The following CDKAL1 variants were observed in gnomAD, a reference collection of about 807,000 sequenced individuals.
The protein encoded by CDKAL1 is threonylcarbamoyladenosine tRNA methylthiotransferase.
In CDKAL1, 32 loss-of-function variants were observed where a neutral mutation model predicts 68.2. That is an observed-to-expected ratio of 0.47 (90% CI 0.35 to 0.63). CDKAL1 has a LOEUF of 0.63. Among genes scored for constraint, CDKAL1 ranks in the 30% least tolerant of loss-of-function variants. The pLI is 0.00. For synonymous variants in CDKAL1, 234 were observed against 244.3 expected (o/e 0.96, Z 0.39); for missense variants, 606 against 696.7 (o/e 0.87, Z 1.47).
intron 5 of CDKAL1, among the ~76,000 whole-genome samples, chr6:20,667,553 C>T (rs943516148): frequency 3.9e-5 from 6 of 152,100 alleles, no homozygotes; most frequent in African/African-American, 9.7e-5. Flanking sequence ...AGGGCAGCTC[C>T]GACTTTATTA....
At chr6:20,579,716 C>T (rs9350261) in intron 4 of CDKAL1, among the ~76,000 whole-genome samples, 52,447 of 152,082 alleles carry the variant, frequency 0.34, 9,535 homozygotes, top group East Asian at 0.53. Flanking sequence ...ATCACTGCAC[C>T]GTGTGCCTCA....
chr6:21,123,845 ACTATCACAGT>A (rs1340907800), intron 13 of CDKAL1, among the ~76,000 whole-genome samples: 1 of 152,246 alleles, frequency 6.6e-6, no homozygotes, highest in East Asian at 1.9e-4. Flanking sequence ...CTTCTGAAAT[ACTATCACAGT>A]CTGCACTAGG....
chr6:21,013,097 A>C (rs1328221589), intron 11 of CDKAL1, among the ~76,000 whole-genome samples: 1 of 152,028 alleles, frequency 6.6e-6, no homozygotes, highest in African/African-American at 2.4e-5. Context: ...TCTTAATCCC[A>C]TCTCTGCCAA....
intron 4 of CDKAL1, among the ~76,000 whole-genome samples, chr6:20,618,441 G>A (rs573031491): frequency 6.6e-6 from 1 of 152,152 alleles, no homozygotes; most frequent in East Asian, 1.9e-4. Flanking sequence ...GTCAATTTTG[G>A]CTTTTGTTGC....
intron 12 of CDKAL1, among the ~76,000 whole-genome samples, chr6:21,096,915 A>G (rs1321686955): frequency 1.3e-5 from 2 of 152,250 alleles, no homozygotes; most frequent in Non-Finnish European, 2.9e-5. Flanking sequence ...CAGTGTGAGA[A>G]TAGTTATCTT....
At chr6:20,717,440 G>A (rs1400690647) in intron 5 of CDKAL1, among the ~76,000 whole-genome samples, 1 of 151,522 alleles carries the variant, frequency 6.6e-6, no homozygotes, top group East Asian at 2.0e-4. Context: ...GGCTTACTGG[G>A]GAGTGAGGAC....
intron 12 of CDKAL1, among the ~76,000 whole-genome samples, chr6:21,088,624 A>C (rs1472394484): frequency 6.6e-6 from 1 of 152,178 alleles, no homozygotes; most frequent in Non-Finnish European, 1.5e-5. Flanking sequence ...TGGAATTGAT[A>C]GTATTTTTCT....
chr6:21,199,517 C>T (rs1239394746), intron 14 of CDKAL1, among the ~76,000 whole-genome samples: 1 of 152,178 alleles, frequency 6.6e-6, no homozygotes, highest in Non-Finnish European at 1.5e-5. Flanking sequence ...CTTCTCTCTC[C>T]TTTCTCTTGC....
intron 10 of CDKAL1, among the ~76,000 whole-genome samples, chr6:20,958,781 C>T (rs945995167): frequency 2.0e-5 from 3 of 152,136 alleles, no homozygotes; most frequent in Non-Finnish European, 2.9e-5. Context: ...AGATGCTTCA[C>T]ACAACAGACT....
intron 4 of CDKAL1, among the ~76,000 whole-genome samples, chr6:20,578,535 A>T (rs1411710320): frequency 1.3e-5 from 2 of 152,368 alleles, no homozygotes; most frequent in East Asian, 3.9e-4. Flanking sequence ...AAATGTGTAT[A>T]CTAGCAATCA....
intron 15 of CDKAL1, among the ~76,000 whole-genome samples, chr6:21,230,625 G>A (rs536700971): frequency 1.3e-5 from 2 of 152,146 alleles, no homozygotes; most frequent in African/African-American, 2.4e-5. Flanking sequence ...TACAGTTTAT[G>A]TGTAGTCTGG....
At chr6:20,840,023 A>G (rs1236833929) in intron 8 of CDKAL1, among the ~76,000 whole-genome samples, 2 of 152,240 alleles carry the variant, frequency 1.3e-5, no homozygotes, top group South Asian at 2.1e-4. Context: ...AGAATAAGTC[A>G]GTGTTTCTTA....
At chr6:20,859,045 T>C (rs1200677692) in intron 9 of CDKAL1, among the ~76,000 whole-genome samples, 1 of 152,160 alleles carries the variant, frequency 6.6e-6, no homozygotes, top group Non-Finnish European at 1.5e-5. Context: ...GTATAGGAAA[T>C]TAAATCACAT....
intron 13 of CDKAL1, among the ~76,000 whole-genome samples, chr6:21,169,914 G>C (rs561299429): frequency 4.2e-5 from 4 of 95,488 alleles, no homozygotes; most frequent in African/African-American, 2.5e-4. Flanking sequence ...AGAACAGTAC[G>C]GGAAAGACCC....
intron 10 of CDKAL1, among the ~76,000 whole-genome samples, chr6:20,960,344 G>A (rs189163928): frequency 2.6e-5 from 4 of 152,146 alleles, no homozygotes; most frequent in Non-Finnish European, 4.4e-5. Flanking sequence ...TGGCTAAACC[G>A]CATAGCCAGT....
intron 5 of CDKAL1, among the ~76,000 whole-genome samples, chr6:20,719,725 C>A (rs1432884536): frequency 6.6e-6 from 1 of 152,140 alleles, no homozygotes; most frequent in African/African-American, 2.4e-5. Context: ...GTAGCTCTTA[C>A]CACTAGCTCA....
chr6:21,123,757 A>G (rs4479917), intron 13 of CDKAL1, among the ~76,000 whole-genome samples: 78,502 of 152,148 alleles, frequency 0.52, 20,826 homozygotes, highest in East Asian at 0.68. Flanking sequence ...TACAGTCACT[A>G]ACCCTTCACT....
At chr6:20,756,362 T>C (rs1323538163) in intron 6 of CDKAL1, among the ~76,000 whole-genome samples, 1 of 152,216 alleles carries the variant, frequency 6.6e-6, no homozygotes, top group East Asian at 1.9e-4. Flanking sequence ...TATAATTCAT[T>C]ACTACTGAAC....
At chr6:21,193,181 C>CTTGAGACTATTGTAATTGT (rs1778329945) in intron 13 of CDKAL1, among the ~76,000 whole-genome samples, 1 of 152,056 alleles carries the variant, frequency 6.6e-6, no homozygotes, top group Non-Finnish European at 1.5e-5. Flanking sequence ...TCAATAGCCT[C>CTTGAGACTATTGTAATTGT]TTGAGACACC....
Sources: gnomAD v4.1 joint callset for allele counts (sites outside exome capture counted in the v4.1 genomes callset) on GRCh38, gnomAD v4.1.1 for gene constraint, MANE v1.5 for transcripts, NCBI Gene and HGNC (gene_info 2026-07-23, HGNC 2026-07-21) for gene names.